The following GNG2 variants were observed in gnomAD, a reference collection of about 807,000 sequenced individuals.
GNG2 encodes guanine nucleotide-binding protein G(I)/G(S)/G(O) subunit gamma-2.
In GNG2, 5 loss-of-function variants were observed where a neutral mutation model predicts 5.5. The ratio of observed to expected loss-of-function variants is 0.91; its 90% CI spans 0.48 to 1.92. GNG2 has a LOEUF of 1.92. Ranked by LOEUF, GNG2 falls within the 30% of genes most tolerant of loss-of-function variation. The pLI is 0.01. For missense variants in GNG2, 55 were observed against 88.4 expected, an observed-to-expected ratio of 0.62 and a Z score of 1.52; for synonymous variants, 28 against 32.0, an observed-to-expected ratio of 0.88 and a Z score of 0.42.
chr14:51,830,855 A>C (rs1449481757), intron 2 of GNG2, among the ~76,000 whole-genome samples: 1 of 152,218 alleles, frequency 6.6e-6, no homozygotes, highest in Non-Finnish European at 1.5e-5. Context: ...TGCTCCTCTA[A>C]AGTCCTCCAA....
rs1296768576 is a variant in GNG2, at chr14:51,955,879, A to G, written c.87+5114A>G. Among the ~76,000 whole-genome samples, 3 of 152,210 alleles carry G rather than the reference A, an allele frequency of 2.0e-5. No homozygotes were observed. In the East Asian group the frequency reaches 5.8e-4, roughly 29 times the overall value. On this transcript the variant is annotated intron_variant, in intron 3 of 3. Transcript: ENST00000556766. ...GTATAAATTAGTGAGCCAAATATGGACATTTCTAATGATTAAGTCATCTTT... is the reference window on the plus strand; with the variant it reads ...GTATAAATTAGTGAGCCAAATATGGGCATTTCTAATGATTAAGTCATCTTT...
intron 2 of GNG2, among the ~76,000 whole-genome samples, chr14:51,842,428 T>A (rs543225317): frequency 7.2e-5 from 11 of 152,310 alleles, no homozygotes; most frequent in African/African-American, 2.6e-4. Context: ...ATGGAACCTA[T>A]GACTGGCAGG....
In GNG2 at chr14:51,835,826, T is replaced by C. The variant is rs187249934; in HGVS notation, c.64+8019T>C. ...TTTTCTCCTCCATTGTAAATATTAG[T>C]CTTATTACTAATTTTCAGGTCTTTT... On this transcript the variant is annotated intron_variant, in intron 2 of 3. Transcript: ENST00000553432. Among the ~76,000 whole-genome samples, 429 of 152,308 alleles carry C rather than the reference T, an allele frequency of 2.8e-3. 9 individuals are homozygous for C. Among genetic ancestry groups the C allele is most frequent in the Non-Finnish European group, 5.6e-4 (38 of 68,034 alleles).
chr14:51,965,303 G>A lies in GNG2; in HGVS notation c.88-1256G>A, dbSNP rs146459638. On this transcript the variant is annotated intron_variant, in intron 3 of 3. Coordinates refer to ENST00000556766, the MANE Select transcript of GNG2 (RefSeq NM_053064.5). ...TCCTTTCAGTAGTTACTTGACAGGC[G>A]TTCGTAGTAGTACAGTGGTGTTGCT... Among the ~76,000 whole-genome samples, 271 of 152,252 alleles carry A rather than the reference G, an allele frequency of 1.8e-3. 1 individual carries two copies. Among genetic ancestry groups the A allele is most frequent in the African/African-American group, 5.8e-3 (239 of 41,540 alleles).
At chr14:51,887,284 A>G (rs557112361) in intron 2 of GNG2, among the ~76,000 whole-genome samples, 3 of 152,348 alleles carry the variant, frequency 2.0e-5, no homozygotes, top group South Asian at 4.1e-4. Context: ...GCCTCCCGAC[A>G]TCAAAGGAAA....
chr14:51,920,698 G>T (rs575949923), intron 2 of GNG2, among the ~76,000 whole-genome samples: 1 of 152,256 alleles, frequency 6.6e-6, no homozygotes, highest in South Asian at 2.1e-4. Flanking sequence ...TTCCTTGAAT[G>T]GTTCTTATTC....
rs529097951 is a variant in GNG2, at chr14:51,919,114, C to T, written c.-29-31536C>T. On this transcript the variant is annotated intron_variant, in intron 2 of 3. Transcript: ENST00000556766. ...TGCTGGCATTACAGGCATGAGCCAC[C>T]GCGTCCGGCCTAGAAAACTTTTAAT... Among the ~76,000 whole-genome samples the T allele has an allele frequency of 3.0e-3, 453 of 152,204 alleles. 1 individual carries two copies. Among genetic ancestry groups the T allele is most frequent in the African/African-American group, 0.01 (429 of 41,508 alleles).
chr14:51,860,189 G>C (rs1335200652), upstream of GNG2, among the ~76,000 whole-genome samples: 4 of 146,748 alleles, frequency 2.7e-5, no homozygotes, highest in Admixed American at 6.7e-5. Flanking sequence ...TGGGATCTCG[G>C]GGGCCAGAAC....
intron 1 of GNG2, among the ~76,000 whole-genome samples, chr14:51,827,075 C>T (rs751312972): frequency 9.9e-5 from 15 of 152,174 alleles, no homozygotes; most frequent in Admixed American, 3.3e-4. Flanking sequence ...GGAGGCTAGA[C>T]GGTGACAGCA....
chr14:51,879,213 T>G lies in GNG2; in HGVS notation c.-30+1556T>G, dbSNP rs1305348382. On this transcript the variant is annotated intron_variant, in intron 2 of 3. Coordinates refer to ENST00000556766, the MANE Select transcript of GNG2 (RefSeq NM_053064.5). ...GTTTCAGTTATGCTCAGTAGTTCCT[T>G]ATGTAAGTAGTCTCTGTGCTAACAA... Among the ~76,000 whole-genome samples the G allele has an allele frequency of 5.3e-5, 8 of 152,366 alleles. No individual in the cohort carries two copies. In the East Asian group the frequency reaches 1.3e-3, roughly 26 times the overall value.
chr14:51,834,190 G>A (rs1881273321), intron 2 of GNG2, among the ~76,000 whole-genome samples: 1 of 152,226 alleles, frequency 6.6e-6, no homozygotes, highest in South Asian at 2.1e-4. Flanking sequence ...GCTGGCAGGA[G>A]AAGAGCTGGA....
At chr14:51,908,736 A>T (rs1235925968) in intron 2 of GNG2, among the ~76,000 whole-genome samples, 2 of 89,878 alleles carry the variant, frequency 2.2e-5, no homozygotes, top group Non-Finnish European at 2.1e-5. Context: ...CACCCAGCTA[A>T]TTTTTTTTTT....
At chr14:51,963,456 G>GAGCGATA (rs1224265136) in intron 3 of GNG2, among the ~76,000 whole-genome samples, 3 of 152,124 alleles carry the variant, frequency 2.0e-5, no homozygotes, top group African/African-American at 7.2e-5. Context: ...GCTCCTGTTT[G>GAGCGATA]GTGTAACAAT....
intron 2 of GNG2, among the ~76,000 whole-genome samples, chr14:51,943,892 A>T (rs535854785): frequency 1.3e-5 from 2 of 152,218 alleles, no homozygotes; most frequent in Non-Finnish European, 2.9e-5. Context: ...ATTCACTGCA[A>T]TCCATTTCAA....
At chr14:51,848,176 T>C (rs1881725871) in intron 2 of GNG2, among the ~76,000 whole-genome samples, 1 of 152,104 alleles carries the variant, frequency 6.6e-6, no homozygotes, top group South Asian at 2.1e-4. Flanking sequence ...AGAGCCTGAA[T>C]CCAATCTCTC....
intron 2 of GNG2, chr14:51,841,716 A>G (rs984326559): frequency 1.7e-6 from 1 of 594,044 alleles, no homozygotes; most frequent in Middle Eastern, 2.6e-4. Context: ...GAAATAGGAA[A>G]TTATTGTGAA....
rs531840655 is a variant in GNG2 at position 51,829,428 on chromosome 14, C to T, written c.64+1621C>T. Among the ~76,000 whole-genome samples, 9 of 152,306 alleles carry T rather than the reference C, an allele frequency of 5.9e-5. 1 individual carries two copies. The South Asian group carries it at 8.3e-4, about 14-fold the overall frequency. On this transcript the variant is annotated intron_variant, in intron 2 of 3. Coordinates refer to the GNG2 transcript ENST00000553432. ...CTTACCTAGCTCAGATTCCAGAGCT[C>T]ATCATCATTATGTCCTCATCTTACT... is the stretch of plus-strand genomic sequence containing the variant.
At chr14:51,955,435 A>C (rs1693204) in intron 3 of GNG2, among the ~76,000 whole-genome samples, 85,787 of 152,044 alleles carry the variant, frequency 0.56, 24,480 homozygotes, top group African/African-American at 0.61. Context: ...TTCATCAAAT[A>C]AATTTTTCCA....
rs545739671 is a variant in GNG2, at chr14:51,876,907, A to C, written c.-70-710A>C. Among the ~76,000 whole-genome samples, 7 of 152,308 alleles carry C rather than the reference A, an allele frequency of 4.6e-5. No individual in the cohort carries two copies. In the East Asian group the frequency reaches 1.4e-3, roughly 29 times the overall value. On this transcript the variant is annotated intron_variant, in intron 1 of 3. Transcript: ENST00000556766. ...ATGGGAAAGTGTTCCTTGAGGCTTT[A>C]GCAATTCCCTTTGAGCTGAGTGCTC...
Sources: allele counts gnomAD v4.1 joint callset (sites outside exome capture counted in the v4.1 genomes callset), GRCh38; gene constraint gnomAD v4.1.1; transcripts MANE v1.5; gene names NCBI Gene and HGNC (gene_info 2026-07-23, HGNC 2026-07-21).